The following TAF1B variants were observed in gnomAD, a reference collection of about 807,000 sequenced individuals.
The protein encoded by TAF1B is TATA box-binding protein-associated factor RNA polymerase I subunit B.
In TAF1B, 61 loss-of-function variants were observed where a neutral mutation model predicts 83.9. The ratio of observed to expected loss-of-function variants is 0.73; its 90% CI spans 0.59 to 0.90. The LOEUF is 0.90. TAF1B is among the 40% of genes least tolerant of loss of function. The pLI, the probability that TAF1B is intolerant of heterozygous loss-of-function variation, is 0.00. For synonymous variants in TAF1B, 221 were observed against 224.6 expected, an observed-to-expected ratio of 0.98 and a Z score of 0.14; for missense variants, 625 against 677.0, an observed-to-expected ratio of 0.92 and a Z score of 0.85.
At chr2:9,907,745 G>T (rs1252291659) in intron 9 of TAF1B, among the ~76,000 whole-genome samples, 1 of 152,024 alleles carries the variant, frequency 6.6e-6, no homozygotes, top group Non-Finnish European at 1.5e-5. Flanking sequence ...AGTTTCCAAA[G>T]TGCCCATATA....
chr2:9,843,683 C>T, intron 1 of TAF1B, 124 bp downstream of exon 1: 1 of 1,145,148 alleles, frequency 8.7e-7, no homozygotes, highest in African/African-American at 1.6e-5. Context: ...GAAGGCGGGG[C>T]GGAGGGCTGC....
At chr2:9,904,450 T>G (rs1173516577) in intron 8 of TAF1B, among the ~76,000 whole-genome samples, 1 of 152,230 alleles carries the variant, frequency 6.6e-6, no homozygotes, top group Non-Finnish European at 1.5e-5. Context: ...TTCTTAGGGC[T>G]GTGTAATATT....
intron 14 of TAF1B, among the ~76,000 whole-genome samples, chr2:9,931,511 C>T (rs967753880): frequency 3.3e-5 from 5 of 152,192 alleles, no homozygotes; most frequent in Non-Finnish European, 1.5e-5. Context: ...TTTCTTCTGG[C>T]TTGTAGAGTT....
chr2:9,848,925 A>G (rs1372548030), intron 2 of TAF1B, among the ~76,000 whole-genome samples: 1 of 152,234 alleles, frequency 6.6e-6, no homozygotes, highest in Non-Finnish European at 1.5e-5. Context: ...CAGAAATGAA[A>G]GCAGTTTTAG....
At chr2:9,858,616 C>G (rs1293828518) in intron 5 of TAF1B, among the ~76,000 whole-genome samples, 1 of 152,244 alleles carries the variant, frequency 6.6e-6, no homozygotes, top group Non-Finnish European at 1.5e-5. Flanking sequence ...GCCTGGACAT[C>G]CAGGCATTTC....
At chr2:9,875,282 C>A (rs561840865) in intron 6 of TAF1B, among the ~76,000 whole-genome samples, 179 of 152,246 alleles carry the variant, frequency 1.2e-3, no homozygotes, top group African/African-American at 4.2e-3. Context: ...TCTTTAGAAT[C>A]CTGTCCCATC....
Position 9,851,623 on chromosome 2 carries a change from A to G in TAF1B, c.288A>G (p.Val96=), listed in dbSNP as rs1351522390. The change falls in exon 4 of 15, where the codon GTA becomes GTG. Residue 96 remains valine, a synonymous_variant. Coordinates refer to ENST00000263663, the MANE Select transcript of TAF1B (RefSeq NM_005680.3). The stretch of plus-strand genomic sequence containing the variant: ...CAGAAGCCTTAAAGAACCTTGGAGT[A>G]GGCCCAGAGTTAAAGGTAAGTACAT... ...QQAEALKNLG[V]GPELKNDVLH... The G allele has an allele frequency of 6.2e-7, 1 of 1,611,720 alleles. No homozygotes were observed. Among genetic ancestry groups the G allele is most frequent in the Non-Finnish European group, 8.5e-7 (1 of 1,179,274 alleles).
At chr2:9,863,604 A>G (rs1369250290) in intron 5 of TAF1B, among the ~76,000 whole-genome samples, 1 of 152,228 alleles carries the variant, frequency 6.6e-6, no homozygotes, top group Non-Finnish European at 1.5e-5. Flanking sequence ...GACCTAATAG[A>G]CATCTATAGA....
In TAF1B at chr2:9,875,855, A is replaced by G. The variant is rs774667141; in HGVS notation, c.554-10A>G. 6 of 1,558,252 alleles carry G rather than the reference A, an allele frequency of 3.9e-6. No individual in the cohort carries two copies. The highest frequency in any genetic ancestry group is 2.4e-5 in the South Asian group (2 of 84,008). ...ACTGGATTTTTAAAAATCTCCATTT[A>G]TCTCCTAAGAAACGTCTGTCTGCTC... On this transcript the variant is annotated splice_polypyrimidine_tract_variant and intron_variant, in intron 6 of 14. Transcript: ENST00000263663.
At chr2:9,907,065 T>A (rs1223160146) in intron 9 of TAF1B, among the ~76,000 whole-genome samples, 4 of 151,906 alleles carry the variant, frequency 2.6e-5, no homozygotes, top group Non-Finnish European at 1.5e-5. Flanking sequence ...TGTTATTATT[T>A]TTAATAGAGA....
At chr2:9,885,409 C>T (rs1664643845) in intron 8 of TAF1B, among the ~76,000 whole-genome samples, 2 of 152,186 alleles carry the variant, frequency 1.3e-5, no homozygotes, top group Admixed American at 1.3e-4. Context: ...ACATGAAAAA[C>T]TGTAAAGGAT....
In TAF1B at chr2:9,878,198, G is replaced by A. The variant is rs560403690; in HGVS notation, c.707+2180G>A. ...CCTGATAATCTCTGCTTTAAAATAA[G>A]CCCTTCAGGGGATTCTTCTTCTTTT... On this transcript the variant is annotated intron_variant, in intron 7 of 14. Coordinates refer to ENST00000263663, the MANE Select transcript of TAF1B (RefSeq NM_005680.3). Among the ~76,000 whole-genome samples the A allele has an allele frequency of 3.0e-4, 46 of 151,278 alleles. 1 individual carries two copies. Among genetic ancestry groups the A allele is most frequent in the South Asian group, 1.5e-3 (7 of 4,754 alleles).
At chr2:9,865,571 G>A (rs1195124791) in intron 5 of TAF1B, among the ~76,000 whole-genome samples, 2 of 152,046 alleles carry the variant, frequency 1.3e-5, no homozygotes, top group African/African-American at 4.8e-5. Context: ...GACTTTCTTC[G>A]CAGAATTGGA....
intron 8 of TAF1B, among the ~76,000 whole-genome samples, chr2:9,897,763 T>G (rs1441328775): frequency 2.0e-5 from 3 of 152,202 alleles, no homozygotes; most frequent in Non-Finnish European, 4.4e-5. Flanking sequence ...TGACTCTAGA[T>G]TTGTTCACCT....
At chr2:9,901,794 G>T (rs1665184849) in intron 8 of TAF1B, among the ~76,000 whole-genome samples, 1 of 151,954 alleles carries the variant, frequency 6.6e-6, no homozygotes, top group Admixed American at 6.5e-5. Context: ...AAAGTTCACT[G>T]AGAACTTATG....
intron 5 of TAF1B, among the ~76,000 whole-genome samples, chr2:9,861,123 C>T (rs937952670): frequency 2.0e-5 from 3 of 152,312 alleles, no homozygotes; most frequent in East Asian, 1.9e-4. Flanking sequence ...TGCAGCACAC[C>T]GTGCATGAGC....
At chr2:9,846,128 T>G in intron 2 of TAF1B, 1 of 470,636 alleles carries the variant, frequency 2.1e-6, no homozygotes, top group Non-Finnish European at 4.4e-6. Context: ...GAGAGCCTAT[T>G]GATAGGGCTC....
intron 7 of TAF1B, among the ~76,000 whole-genome samples, chr2:9,878,436 G>GA (rs1429337958): frequency 2.0e-5 from 3 of 151,856 alleles, no homozygotes; most frequent in East Asian, 3.9e-4. Context: ...GCCAAACTTT[G>GA]AAAAAATATG....
intron 4 of TAF1B, chr2:9,852,141 G>A (rs1449574282): frequency 4.8e-6 from 2 of 414,380 alleles, no homozygotes; most frequent in Admixed American, 5.5e-5. Context: ...ACCAATCACT[G>A]GACCTTAATC....
Sources: gnomAD v4.1 joint callset for allele counts (sites outside exome capture counted in the v4.1 genomes callset) on GRCh38, gnomAD v4.1.1 for gene constraint, MANE v1.5 for transcripts, NCBI Gene and HGNC (gene_info 2026-07-23, HGNC 2026-07-21) for gene names.